BICC1: variants seen among roughly 807,000 people sequenced by gnomAD.
BICC1 encodes BicC family RNA binding protein 1.
A neutral mutation model predicts 111.0 loss-of-function variants in BICC1; 43 were observed. The observed-to-expected ratio is 0.39, with a 90% confidence interval of 0.30 to 0.50. BICC1 has a LOEUF of 0.50. Among genes scored for constraint, BICC1 ranks in the 20% least tolerant of loss-of-function variants. The pLI is 0.88. For synonymous variants in BICC1, 467 were observed against 434.4 expected (o/e 1.07, Z -0.93); for missense variants, 1,091 against 1,203.2 (o/e 0.91, Z 1.38).
intron 18 of BICC1, chr10:58,814,199 G>C (rs1209127223): frequency 1.2e-5 from 8 of 642,404 alleles, no homozygotes; most frequent in Non-Finnish European, 2.0e-5. Context: ...TTTCACTCTA[G>C]CACTTGCCAT....
At chr10:58,726,913 A>G (rs1841124626) in intron 3 of BICC1, among the ~76,000 whole-genome samples, 1 of 152,208 alleles carries the variant, frequency 6.6e-6, no homozygotes. Context: ...GTTGTACAAA[A>G]TGGAACTTTT....
chr10:58,713,421 A>C (rs1043849264), intron 3 of BICC1, among the ~76,000 whole-genome samples: 5 of 152,252 alleles, frequency 3.3e-5, no homozygotes, highest in Admixed American at 6.5e-5. Context: ...TAGGCATTAT[A>C]ATAGATGCCT....
chr10:58,660,644 C>A (rs1235420292), intron 2 of BICC1, among the ~76,000 whole-genome samples: 1 of 152,078 alleles, frequency 6.6e-6, no homozygotes, highest in Non-Finnish European at 1.5e-5. Flanking sequence ...CTGAACATAA[C>A]CAGTATTCCA....
chr10:58,788,437 A>G lies in BICC1; in HGVS notation c.600+14A>G. ...GTTAGAATTCGGGTAACTATTTATT[A>G]CTTTAACATTGTAAATTGATGTCAG... On this transcript the variant is annotated intron_variant, in intron 6 of 20. Transcript: ENST00000373886. 1 of 1,584,652 alleles carries G rather than the reference A, an allele frequency of 6.3e-7. No individual in the cohort carries two copies. The highest frequency in any genetic ancestry group is 1.3e-5 in the African/African-American group (1 of 74,396).
At chr10:58,596,595 TAGGAAGAG>T (rs1186001452) in intron 1 of BICC1, among the ~76,000 whole-genome samples, 1 of 152,128 alleles carries the variant, frequency 6.6e-6, no homozygotes, top group Admixed American at 6.5e-5. Flanking sequence ...CGTATTCAAA[TAGGAAGAG>T]AGGAAGTCAA....
At chr10:58,573,293 A>G (rs1018770895) in intron 1 of BICC1, among the ~76,000 whole-genome samples, 2 of 152,174 alleles carry the variant, frequency 1.3e-5, no homozygotes, top group Non-Finnish European at 1.5e-5. Flanking sequence ...AAGAAGAGGT[A>G]GTTAGATTTT....
intron 20 of BICC1, chr10:58,823,168 G>C (rs1844301557): frequency 3.2e-6 from 3 of 924,634 alleles, no homozygotes; most frequent in South Asian, 1.0e-4. Context: ...GCATCCTGTT[G>C]ACAGGCTTCC....
intron 2 of BICC1, among the ~76,000 whole-genome samples, chr10:58,660,608 TA>T (rs1478928206): frequency 6.6e-6 from 1 of 152,194 alleles, no homozygotes; most frequent in East Asian, 1.9e-4. Flanking sequence ...GTATTAACTT[TA>T]TGCCTAATTA....
At chr10:58,625,488 C>A (rs889739196) in intron 2 of BICC1, among the ~76,000 whole-genome samples, 1 of 152,054 alleles carries the variant, frequency 6.6e-6, no homozygotes, top group Non-Finnish European at 1.5e-5. Context: ...GGGTTATGTA[C>A]AGTATTTTTC....
chr10:58,534,017 T>C (rs536937249), intron 1 of BICC1, among the ~76,000 whole-genome samples: 11 of 151,934 alleles, frequency 7.2e-5, no homozygotes, highest in Admixed American at 2.0e-4. Context: ...TCCAACTATA[T>C]GCTGTCTACA....
At chr10:58,679,729 A>G (rs1839456345) in intron 2 of BICC1, among the ~76,000 whole-genome samples, 1 of 152,080 alleles carries the variant, frequency 6.6e-6, no homozygotes, top group African/African-American at 2.4e-5. Flanking sequence ...CAGAGAGACA[A>G]TAAATAAAGA....
rs373207649 is a variant in BICC1 at position 58,828,746 on chromosome 10, T to G, written c.2795-15T>G. The G allele has an allele frequency of 3.6e-5, 58 of 1,612,044 alleles. No homozygotes were observed. In the African/African-American group the frequency reaches 7.7e-4, roughly 22 times the overall value. ...TTCTCTTGAGCTCCTAACAATTCTC[T>G]CTTTCTCTCTCTAGAACTAAATAAA... On this transcript the variant is annotated splice_polypyrimidine_tract_variant and intron_variant, in intron 20 of 20. Coordinates refer to ENST00000373886, the MANE Select transcript of BICC1 (RefSeq NM_001080512.3).
chr10:58,761,761 T>C (rs1164735739), intron 3 of BICC1, among the ~76,000 whole-genome samples: 1 of 152,158 alleles, frequency 6.6e-6, no homozygotes, highest in East Asian at 1.9e-4. Context: ...TGGAAATCTT[T>C]GATTTTTGGC....
At chr10:58,708,645 G>A (rs1326087555) in intron 3 of BICC1, among the ~76,000 whole-genome samples, 1 of 152,212 alleles carries the variant, frequency 6.6e-6, no homozygotes, top group Non-Finnish European at 1.5e-5. Flanking sequence ...TACATAGCAC[G>A]TGAAGAAGCT....
At chr10:58,617,876 C>T (rs1164088959) in intron 1 of BICC1, among the ~76,000 whole-genome samples, 1 of 152,220 alleles carries the variant, frequency 6.6e-6, no homozygotes. Flanking sequence ...CCCAGTGCTC[C>T]TAAAGGCAGG....
chr10:58,717,070 G>C lies in BICC1; in HGVS notation c.307+14927G>C, dbSNP rs556764585. 3.0e-4 allele frequency among the ~76,000 whole-genome samples: 46 copies of C among 152,272 alleles called. No homozygotes were observed. In the Middle Eastern group the frequency reaches 0.01, roughly 34 times the overall value. ...AGCATTAGAATGTGTTAGGTCATTT[G>C]AATTAATTTTTACTACACTTTGGCT... On this transcript the variant is annotated intron_variant, in intron 3 of 20. Transcript: ENST00000373886.
intron 1 of BICC1, among the ~76,000 whole-genome samples, chr10:58,607,570 C>T (rs915800202): frequency 1.3e-5 from 2 of 151,872 alleles, no homozygotes; most frequent in Non-Finnish European, 2.9e-5. Flanking sequence ...TCTCCTCCTC[C>T]CCATTCTCTT....
At chr10:58,803,553 A>G (rs1843620193) in intron 15 of BICC1, among the ~76,000 whole-genome samples, 1 of 152,182 alleles carries the variant, frequency 6.6e-6, no homozygotes, top group Non-Finnish European at 1.5e-5. Context: ...GCGGGACTGC[A>G]TTTCTAAGTA....
chr10:58,816,525 A>C (rs1844093692), intron 18 of BICC1, among the ~76,000 whole-genome samples: 1 of 152,162 alleles, frequency 6.6e-6, no homozygotes. Context: ...TGACACCCAA[A>C]ACAGTGCAGA....
Sources: allele counts gnomAD v4.1 joint callset (sites outside exome capture counted in the v4.1 genomes callset), GRCh38; gene constraint gnomAD v4.1.1; transcripts MANE v1.5; gene names NCBI Gene and HGNC (gene_info 2026-07-23, HGNC 2026-07-21).